Variants in TENM3 observed in about 807,000 individuals in gnomAD.
TENM3 encodes teneurin-3.
Under a neutral mutation model 255.1 loss-of-function variants are expected in TENM3, and 63 were observed. That is an observed-to-expected ratio of 0.25 (90% CI 0.20 to 0.30). The LOEUF (loss-of-function observed/expected upper bound fraction) is 0.30, where lower values mean the gene tolerates loss of function less well. TENM3 is among the 10% of genes least tolerant of loss of function. The pLI, the probability that TENM3 is intolerant of heterozygous loss-of-function variation, is 1.00. For missense variants in TENM3, 2,929 were observed against 3,461.1 expected (o/e 0.85, Z 3.86); for synonymous variants, 1,306 against 1,322.3 (o/e 0.99, Z 0.27).
the TENM3 span, among the ~76,000 whole-genome samples, chr4:181,472,581 G>T: frequency 6.6e-6 from 1 of 152,034 alleles, no homozygotes; most frequent in East Asian, 1.9e-4. Context: ...GCAAGGGCAG[G>T]AAATCCTCCT....
chr4:181,641,185 C>CT, the TENM3 span, among the ~76,000 whole-genome samples: 1 of 151,826 alleles, frequency 6.6e-6, no homozygotes, highest in Non-Finnish European at 1.5e-5. Flanking sequence ...AAGAGTGTTA[C>CT]TTTTTTTATT....
the TENM3 span, among the ~76,000 whole-genome samples, chr4:182,126,271 C>T: frequency 6.6e-6 from 1 of 152,174 alleles, no homozygotes; most frequent in South Asian, 2.1e-4. Context: ...CAAAGTCAAT[C>T]GTAGATCCCA....
chr4:181,988,582 G>A, the TENM3 span, among the ~76,000 whole-genome samples: 1 of 152,006 alleles, frequency 6.6e-6, no homozygotes, highest in African/African-American at 2.4e-5. Flanking sequence ...ATGCAGACTA[G>A]GTACCAGGTA....
intron 3 of TENM3, among the ~76,000 whole-genome samples, chr4:182,560,492 G>A (rs1485921159): frequency 6.6e-6 from 1 of 152,188 alleles, no homozygotes; most frequent in Non-Finnish European, 1.5e-5. Context: ...AAGCAACAGT[G>A]AAGCTAATGC....
chr4:182,480,702 C>CT (rs1277641915), intron 3 of TENM3, among the ~76,000 whole-genome samples: 14 of 151,466 alleles, frequency 9.2e-5, no homozygotes, highest in African/African-American at 1.7e-4. Flanking sequence ...TTTAATTTTT[C>CT]TTTTTTTTGA....
the TENM3 span, among the ~76,000 whole-genome samples, chr4:181,977,723 G>T: frequency 2.0e-5 from 3 of 152,142 alleles, no homozygotes; most frequent in Non-Finnish European, 4.4e-5. Context: ...GGGTATTTTA[G>T]GGGGAACTAA....
chr4:181,475,851 T>G, the TENM3 span, among the ~76,000 whole-genome samples: 116,233 of 152,174 alleles, frequency 0.76, 44,534 homozygotes, highest in Admixed American at 0.82. Context: ...GGTGATCACT[T>G]AAAACATTTC....
At chr4:182,186,010 A>G (rs1299281112) in intron 1 of TENM3, among the ~76,000 whole-genome samples, 1 of 152,132 alleles carries the variant, frequency 6.6e-6, no homozygotes, top group Non-Finnish European at 1.5e-5. Context: ...AGCCTGAACG[A>G]TAAGTATAAG....
chr4:182,234,594 T>C (rs1007794888), intron 1 of TENM3, among the ~76,000 whole-genome samples: 4 of 152,010 alleles, frequency 2.6e-5, no homozygotes, highest in African/African-American at 9.7e-5. Context: ...TAGCCGGGCG[T>C]GGTGGCAGGC....
chr4:182,104,470 C>CTAACAGAT, the TENM3 span, among the ~76,000 whole-genome samples: 1 of 149,612 alleles, frequency 6.7e-6, no homozygotes, highest in East Asian at 2.0e-4. Context: ...TAGACCCTTC[C>CTAACAGAT]TAACAGATCA....
chr4:182,725,104 G>GC (rs1242547298), intron 13 of TENM3, among the ~76,000 whole-genome samples: 1 of 151,798 alleles, frequency 6.6e-6, no homozygotes, highest in Non-Finnish European at 1.5e-5. Flanking sequence ...CCAGGCTAGA[G>GC]CACAGTGGTG....
At chr4:182,375,198 T>C (rs950711573) in intron 3 of TENM3, among the ~76,000 whole-genome samples, 2 of 152,146 alleles carry the variant, frequency 1.3e-5, no homozygotes, top group African/African-American at 4.8e-5. Flanking sequence ...ATTTAGCATT[T>C]ACTACCTTAT....
At chr4:182,705,027 C>G (rs1262997050) in intron 12 of TENM3, among the ~76,000 whole-genome samples, 1 of 152,154 alleles carries the variant, frequency 6.6e-6, no homozygotes, top group African/African-American at 2.4e-5. Context: ...AATTATGTCA[C>G]TGTCATAATC....
At chr4:181,945,195 A>G in the TENM3 span, among the ~76,000 whole-genome samples, 3 of 152,118 alleles carry the variant, frequency 2.0e-5, no homozygotes, top group Non-Finnish European at 4.4e-5. Flanking sequence ...TATAAACTAC[A>G]GACGGCAGCA....
At chr4:182,324,910 G>A (rs1183182201) in intron 2 of TENM3, among the ~76,000 whole-genome samples, 1 of 151,994 alleles carries the variant, frequency 6.6e-6, no homozygotes, top group Non-Finnish European at 1.5e-5. Context: ...TTGGCCTGAG[G>A]ATGCTCCCAG....
At chr4:182,227,025 T>C (rs1441364228) in intron 1 of TENM3, among the ~76,000 whole-genome samples, 8 of 152,164 alleles carry the variant, frequency 5.3e-5, no homozygotes. Context: ...CTTTCTGCCG[T>C]AACTCCTGCT....
chr4:181,862,537 A>C, the TENM3 span, among the ~76,000 whole-genome samples: 5 of 152,092 alleles, frequency 3.3e-5, no homozygotes, highest in East Asian at 9.6e-4. Context: ...AATATATCTC[A>C]AGCTTTGTCA....
chr4:181,646,098 C>T, the TENM3 span, among the ~76,000 whole-genome samples: 3 of 152,142 alleles, frequency 2.0e-5, no homozygotes, highest in African/African-American at 7.2e-5. Flanking sequence ...CACAGTGTAC[C>T]CCAGTGCAAC....
intron 27 of TENM3, among the ~76,000 whole-genome samples, chr4:182,797,633 G>A (rs997996923): frequency 2.6e-5 from 4 of 152,022 alleles, no homozygotes; most frequent in African/African-American, 7.2e-5. Context: ...CAAAGCTGCC[G>A]CTTCAGAAAG....
Sources: gnomAD v4.1 joint callset for allele counts (sites outside exome capture counted in the v4.1 genomes callset) on GRCh38, gnomAD v4.1.1 for gene constraint, MANE v1.5 for transcripts, NCBI Gene and HGNC (gene_info 2026-07-23, HGNC 2026-07-21) for gene names.